The following GTPBP4 variants were observed in gnomAD, a reference collection of about 807,000 sequenced individuals.
The protein encoded by GTPBP4 is GTP-binding protein 4.
GTPBP4 carries 15 observed loss-of-function variants against 81.7 expected under a neutral mutation model. That is an observed-to-expected ratio of 0.18 (90% CI 0.12 to 0.28). GTPBP4 has a LOEUF of 0.28. GTPBP4 is among the 10% of genes least tolerant of loss of function. The pLI, the probability that GTPBP4 is intolerant of heterozygous loss-of-function variation, is 1.00. For missense variants in GTPBP4, 847 were observed against 793.8 expected (o/e 1.07, Z -0.81); for synonymous variants, 272 against 274.6 (o/e 0.99, Z 0.09).
At position 1,019,598 on chromosome 10, in the gene GTPBP4, G is replaced by C. The variant is rs41299208; in HGVS notation, c.*2371G>C. 1.2e-6 allele frequency: 2 copies of C among 1,613,852 alleles called. No homozygotes were observed. The highest frequency in any genetic ancestry group is 2.7e-5 in the African/African-American group (2 of 74,874). ...GCCACCACCGGTACAGAAACCTCTC[G>C]GCAATGGTTCTTAGCCAGGGGGTGA... On this transcript the variant is annotated 3_prime_UTR_variant, in exon 17 of 17. Coordinates refer to ENST00000360803, the MANE Select transcript of GTPBP4 (RefSeq NM_012341.3).
At chr10:1,001,344 G>A (rs1831627467) in intron 8 of GTPBP4, among the ~76,000 whole-genome samples, 1 of 152,212 alleles carries the variant, frequency 6.6e-6, no homozygotes. Context: ...AACAGGTTCT[G>A]TGATTAAATG....
Position 992,666 on chromosome 10 carries a change from G to T in GTPBP4, c.219+7G>T. On this transcript the variant is annotated splice_region_variant and intron_variant, in intron 2 of 16. Transcript: ENST00000360803. ...AGATTTCCCCAAATTGGATGTAAGT[G>T]ACTTAGGGGACTTCTGTGGTTATGT... The T allele has an allele frequency of 6.4e-7, 1 of 1,558,866 alleles. No homozygotes were observed. Among genetic ancestry groups the T allele is most frequent in the South Asian group, 1.1e-5 (1 of 88,510 alleles).
At chr10:1,016,828 A>G (rs920174808) in intron 16 of GTPBP4, among the ~76,000 whole-genome samples, 1 of 152,048 alleles carries the variant, frequency 6.6e-6, no homozygotes, top group African/African-American at 2.4e-5. Flanking sequence ...GAGAAAAGAG[A>G]TGTAACAGGG....
rs149570877 is a variant in GTPBP4, at chr10:992,565, G to A, written c.125G>A (p.Arg42His). 9.4e-6 allele frequency: 15 copies of A among 1,596,148 alleles called. No individual in the cohort carries two copies. Among genetic ancestry groups the A allele is most frequent in the Admixed American group, 5.0e-5 (3 of 59,930 alleles). Reference sequence around the variant, plus strand: ...ATTCATAAACATTACCAAATACATCGCATTAGACATTTTTACATGAGAAAA... The same window carrying A: ...ATTCATAAACATTACCAAATACATCACATTAGACATTTTTACATGAGAAAA... ...TVIHKHYQIH[R>H]IRHFYMRKVK... is the part of the protein sequence containing the mutation. The change falls in exon 2 of 17, where the codon CGC (arginine) becomes CAC (histidine). Residue 42 changes from arginine (R) to histidine (H), a missense_variant. By Grantham distance (29) the Arg-to-His change is conservative. Coordinates refer to ENST00000360803, the MANE Select transcript of GTPBP4 (RefSeq NM_012341.3).
At position 1,018,157 on chromosome 10, in the gene GTPBP4, G is replaced by C. The variant is rs1345551817; in HGVS notation, c.*930G>C. The C allele has an allele frequency of 6.6e-6, 1 of 152,226 alleles. No individual in the cohort carries two copies. Among genetic ancestry groups the C allele is most frequent in the Non-Finnish European group, 1.5e-5 (1 of 68,082 alleles). The allele number at this position is 152,226 out of a possible 1,614,324, so 9.4% of individuals were successfully genotyped here. ...TTTACCAGGGCTGGGCTGGGCGCAG[G>C]GGCTCAAGCCTGTAGTTCCAGCACT... is the stretch of plus-strand genomic sequence containing the variant. On this transcript the variant is annotated 3_prime_UTR_variant, in exon 17 of 17. Transcript: ENST00000360803.
rs573233636 is a variant in GTPBP4 at position 1,017,251 on chromosome 10, C to T, written c.*24C>T. 1.5e-4 allele frequency: 237 copies of T among 1,605,846 alleles called. 1 individual carries two copies. The highest frequency in any genetic ancestry group is 1.1e-3 in the East Asian group (50 of 44,746). On this transcript the variant is annotated 3_prime_UTR_variant, in exon 17 of 17. Coordinates refer to ENST00000360803, the MANE Select transcript of GTPBP4 (RefSeq NM_012341.3). ...AGTATCCGTTTGGTTGGCGTGGCTT[C>T]GCTAGAGTGTTGCTGTTTATTTCCT... is the stretch of plus-strand genomic sequence containing the variant.
chr10:1,011,652 C>A (rs1477284638), intron 13 of GTPBP4, among the ~76,000 whole-genome samples: 1 of 152,260 alleles, frequency 6.6e-6, no homozygotes, highest in East Asian at 1.9e-4. Flanking sequence ...CTCGTGGTCT[C>A]TGTGCTCCCT....
intron 11 of GTPBP4, among the ~76,000 whole-genome samples, 177 bp from the exon 12 acceptor site, chr10:1,009,352 C>T (rs144642817): frequency 4.8e-4 from 72 of 149,816 alleles, no homozygotes; most frequent in African/African-American, 1.8e-3. Flanking sequence ...TACCAGAACC[C>T]AAAGGCTGGC....
At chr10:1,015,345 G>A (rs1831957047) in intron 15 of GTPBP4, among the ~76,000 whole-genome samples, 1 of 142,216 alleles carries the variant, frequency 7.0e-6, no homozygotes, top group Admixed American at 7.3e-5. Context: ...CCTCATGCCT[G>A]TCGCTGAGCC....
In GTPBP4 at chr10:999,313, G is replaced by A. The variant is rs1831584666; in HGVS notation, c.654+218G>A. Among the ~76,000 whole-genome samples, 3 of 152,084 alleles carry A rather than the reference G, an allele frequency of 2.0e-5. No individual in the cohort carries two copies. The South Asian group carries it at 6.2e-4, about 32-fold the overall frequency. On this transcript the variant is annotated intron_variant, in intron 6 of 16. Coordinates refer to ENST00000360803, the MANE Select transcript of GTPBP4 (RefSeq NM_012341.3). ...TTTGTGTTTTTTTAGTAGAGAGGGG[G>A]TTTCACCATGTTGGCCAGGCTGGTC...
At position 1,018,069 on chromosome 10, in the gene GTPBP4, T is replaced by C. The variant is rs1046519830; in HGVS notation, c.*842T>C. On this transcript the variant is annotated 3_prime_UTR_variant, in exon 17 of 17. Transcript: ENST00000360803. ...AAGTTATCAAGTCACACAATCAACA[T>C]TATAGCTGAGGAAAGGACTTTAGTT... 6.6e-6 allele frequency: 1 copy of C among 152,136 alleles called. No individual in the cohort carries two copies. Among genetic ancestry groups the C allele is most frequent in the Non-Finnish European group, 1.5e-5 (1 of 68,030 alleles). 9.4% of individuals were successfully genotyped at this position (152,136 alleles called of 1,614,324 possible).
chr10:988,793 G>T (rs1433966860), intron 1 of GTPBP4: 2 of 432,256 alleles, frequency 4.6e-6, no homozygotes, highest in East Asian at 8.0e-5. Context: ...AGAGATGGGG[G>T]TACACCCAGA....
Position 1,018,718 on chromosome 10 carries a change from G to C in GTPBP4, c.*1491G>C, listed in dbSNP as rs534166448. On this transcript the variant is annotated 3_prime_UTR_variant, in exon 17 of 17. Coordinates refer to ENST00000360803, the MANE Select transcript of GTPBP4 (RefSeq NM_012341.3). ...AACTACTTGGGAGGCTGAGGCAGGA[G>C]AATGGCTTGAACCCGGGAGGCGGAG... The C allele has an allele frequency of 7.3e-5, 11 of 149,934 alleles. No individual in the cohort carries two copies. The highest frequency in any genetic ancestry group is 2.7e-4 in the African/African-American group (11 of 40,662). 9.3% of individuals were successfully genotyped at this position (149,934 alleles called of 1,614,324 possible).
At chr10:1,001,505 AC>A (rs1831630703) in intron 8 of GTPBP4, among the ~76,000 whole-genome samples, 1 of 152,218 alleles carries the variant, frequency 6.6e-6, no homozygotes, top group Non-Finnish European at 1.5e-5. Context: ...ATTGAATCCT[AC>A]AACCTTTTTA....
intron 5 of GTPBP4, among the ~76,000 whole-genome samples, chr10:998,685 C>T (rs1005860029): frequency 2.6e-5 from 4 of 152,164 alleles, no homozygotes; most frequent in Middle Eastern, 3.2e-3. Context: ...ACTGGTGGCC[C>T]GGTTTGGACA....
rs779699884 is a variant in GTPBP4, at chr10:1,019,698, G to A, written c.*2471G>A. On this transcript the variant is annotated 3_prime_UTR_variant, in exon 17 of 17. Coordinates refer to ENST00000360803, the MANE Select transcript of GTPBP4 (RefSeq NM_012341.3). Reference sequence around the variant, plus strand: ...CTGGGACAGGTAGAGGATGCTTTTCGTTTCACTGGGATCCGGGTTCAGAGT... The same window carrying A: ...CTGGGACAGGTAGAGGATGCTTTTCATTTCACTGGGATCCGGGTTCAGAGT... 12 of 1,613,974 alleles carry A rather than the reference G, an allele frequency of 7.4e-6. No homozygotes were observed. In the Admixed American group the frequency reaches 1.7e-4, roughly 22 times the overall value.
intron 1 of GTPBP4, among the ~76,000 whole-genome samples, chr10:992,136 C>G (rs141304056): frequency 6.6e-6 from 1 of 151,332 alleles, no homozygotes; most frequent in Non-Finnish European, 1.5e-5. Flanking sequence ...CGTGGTGGCT[C>G]ACACCTGTAA....
At chr10:997,523 G>A (rs186396179) in intron 5 of GTPBP4, among the ~76,000 whole-genome samples, 200 of 152,358 alleles carry the variant, frequency 1.3e-3, no homozygotes, top group Middle Eastern at 0.01. Context: ...CGGTGCCTGA[G>A]CACGCCGAGC....
chr10:1,009,285 C>T (rs747583834), intron 11 of GTPBP4, among the ~76,000 whole-genome samples: 4 of 152,182 alleles, frequency 2.6e-5, no homozygotes, highest in African/African-American at 4.8e-5. Context: ...ACAGCCTCTT[C>T]CTACCAGAAC....
Sources: gnomAD v4.1 joint callset for allele counts (sites outside exome capture counted in the v4.1 genomes callset) on GRCh38, gnomAD v4.1.1 for gene constraint, MANE v1.5 for transcripts, NCBI Gene and HGNC (gene_info 2026-07-23, HGNC 2026-07-21) for gene names.